TUNAR: variants seen among roughly 807,000 people sequenced by gnomAD.
TUNAR encodes protein TUNAR.
rs1889240321 is a variant in TUNAR, at chr14:95,895,025, A to C, written c.12+17848A>C. Among the ~76,000 whole-genome samples the C allele has an allele frequency of 6.6e-6, 1 of 152,222 alleles. No homozygotes were observed. Among genetic ancestry groups the C allele is most frequent in the South Asian group, 2.1e-4 (1 of 4,828 alleles). On this transcript the variant is annotated intron_variant, in intron 2 of 2. Coordinates refer to ENST00000678517, the Ensembl canonical transcript of TUNAR. The surrounding 1 kb of genome is among the most constrained non-coding windows in gnomAD (Gnocchi z 4.5). ...CGATAGGTTGGAGCTGAGGGCACAG[A>C]AATGGCCAAGGCAGGGAGTCAAGCC...
chr14:95,888,816 C>T (rs1889120791), intron 2 of TUNAR, among the ~76,000 whole-genome samples: 1 of 151,598 alleles, frequency 6.6e-6, no homozygotes, highest in African/African-American at 2.4e-5. Context: ...ATGGGGGGGG[C>T]AGTTAGACTC....
At chr14:95,902,595 C>T (rs773737551) in intron 2 of TUNAR, among the ~76,000 whole-genome samples, 8 of 152,202 alleles carry the variant, frequency 5.3e-5, no homozygotes, top group Non-Finnish European at 8.8e-5. Context: ...GGGAGCTGTT[C>T]TGTGCCCTTA....
intron 2 of TUNAR, among the ~76,000 whole-genome samples, chr14:95,914,727 G>T (rs1234949910): frequency 3.3e-5 from 5 of 152,124 alleles, no homozygotes; most frequent in East Asian, 3.9e-4. Flanking sequence ...CATCAAGCTA[G>T]GAGACTTAGA....
chr14:95,919,544 C>T (rs1889657965), intron 2 of TUNAR, among the ~76,000 whole-genome samples: 1 of 151,402 alleles, frequency 6.6e-6, no homozygotes, highest in Non-Finnish European at 1.5e-5. Context: ...CCAGTCTCTA[C>T]AAAAAGAAAT....
intron 2 of TUNAR, among the ~76,000 whole-genome samples, chr14:95,884,678 G>T (rs1392588531): frequency 2.6e-5 from 4 of 152,110 alleles, no homozygotes; most frequent in African/African-American, 9.7e-5. Flanking sequence ...CAACCCTCTT[G>T]GGCTGGACTA....
At chr14:95,884,009 C>T (rs1450278750) in intron 2 of TUNAR, among the ~76,000 whole-genome samples, 1 of 152,084 alleles carries the variant, frequency 6.6e-6, no homozygotes, top group African/African-American at 2.4e-5. Flanking sequence ...ATGCCCCTCC[C>T]TGCTCTAAAG....
chr14:95,882,073 G>A lies in TUNAR; in HGVS notation c.12+4896G>A, dbSNP rs530793215. ...TGATGAGAAAAATTAGACAGAATGAGTTAGAAAGCTTGACTATGCTTCATC... is the reference window on the plus strand; with the variant it reads ...TGATGAGAAAAATTAGACAGAATGAATTAGAAAGCTTGACTATGCTTCATC... On this transcript the variant is annotated intron_variant, in intron 2 of 2. Transcript: ENST00000678517. 7.9e-5 allele frequency among the ~76,000 whole-genome samples: 12 copies of A among 152,326 alleles called. No homozygotes were observed. The South Asian group carries it at 2.5e-3, about 32-fold the overall frequency.
chr14:95,878,967 T>G (rs74085712), intron 2 of TUNAR, among the ~76,000 whole-genome samples: 5,983 of 152,254 alleles, frequency 0.039, 274 homozygotes, highest in African/African-American at 0.11. Flanking sequence ...GCACAAACAA[T>G]TACTGCAAAT....
At chr14:95,891,911 C>G (rs1290464695) in intron 2 of TUNAR, among the ~76,000 whole-genome samples, 1 of 152,206 alleles carries the variant, frequency 6.6e-6, no homozygotes, top group Non-Finnish European at 1.5e-5. Context: ...TGTAGCTGCA[C>G]CACTCCAGCC....
At chr14:95,879,042 G>A (rs951041041) in intron 2 of TUNAR, among the ~76,000 whole-genome samples, 4 of 152,066 alleles carry the variant, frequency 2.6e-5, no homozygotes, top group East Asian at 1.9e-4. Flanking sequence ...TTAGCGATGC[G>A]TGGAGCCGGC....
In TUNAR at chr14:95,912,726, G is replaced by A. The variant is rs1023600017; in HGVS notation, c.13-10055G>A. Among the ~76,000 whole-genome samples, 4 of 152,208 alleles carry A rather than the reference G, an allele frequency of 2.6e-5. No individual in the cohort carries two copies. In the East Asian group the frequency reaches 7.7e-4, roughly 29 times the overall value. On this transcript the variant is annotated intron_variant, in intron 2 of 2. Coordinates refer to ENST00000678517, the Ensembl canonical transcript of TUNAR. ...AGAAAAAAATTATTTGCAGTCATAAGTAGAACTGAATTTTAATATCCTGTG... is the reference window on the plus strand; with the variant it reads ...AGAAAAAAATTATTTGCAGTCATAAATAGAACTGAATTTTAATATCCTGTG...
chr14:95,907,168 A>G (rs1889439409), intron 2 of TUNAR, among the ~76,000 whole-genome samples: 1 of 152,138 alleles, frequency 6.6e-6, no homozygotes. Flanking sequence ...CTCTGTGTGG[A>G]CATGCCATGG....
At chr14:95,917,112 T>C (rs921838431) in intron 2 of TUNAR, among the ~76,000 whole-genome samples, 3 of 152,246 alleles carry the variant, frequency 2.0e-5, no homozygotes, top group African/African-American at 7.2e-5. Flanking sequence ...GTTTGAGCTT[T>C]TATGTCTTGT....
chr14:95,915,032 G>T (rs929459745), intron 2 of TUNAR, among the ~76,000 whole-genome samples: 2 of 152,180 alleles, frequency 1.3e-5, no homozygotes, highest in African/African-American at 4.8e-5. Context: ...AAAGCAAAGG[G>T]CTTTCCTGAC....
chr14:95,880,955 C>T lies in TUNAR; in HGVS notation c.12+3778C>T, dbSNP rs188695687. 1.6e-4 allele frequency among the ~76,000 whole-genome samples: 25 copies of T among 152,330 alleles called. No individual in the cohort carries two copies. The East Asian group carries it at 4.1e-3, about 25-fold the overall frequency. The stretch of plus-strand genomic sequence containing the variant: ...ACCCAGGCTCAGAGAGCTGAAGTGT[C>T]TTTCTTAGTCTCTAATAATTATCGA... On this transcript the variant is annotated intron_variant, in intron 2 of 2. Transcript: ENST00000678517.
intron 2 of TUNAR, among the ~76,000 whole-genome samples, chr14:95,894,135 G>A (rs1273871486): frequency 6.6e-6 from 1 of 152,268 alleles, no homozygotes; most frequent in African/African-American, 2.4e-5. Flanking sequence ...GTTAGCGTCT[G>A]GCTTCGAGCA....
rs1046008670 is a variant in TUNAR at position 95,895,552 on chromosome 14, C to T, written c.12+18375C>T. Reference sequence around the variant, plus strand: ...AGCATCTGTTTTACAAGGGAGTTCCCGACGCATCCTCCAGGATCATGGTTC... The same window carrying T: ...AGCATCTGTTTTACAAGGGAGTTCCTGACGCATCCTCCAGGATCATGGTTC... On this transcript the variant is annotated intron_variant, in intron 2 of 2. Transcript: ENST00000678517. The surrounding 1 kb of genome is among the most constrained non-coding windows in gnomAD (Gnocchi z 4.5). Among the ~76,000 whole-genome samples the T allele has an allele frequency of 2.6e-5, 4 of 152,040 alleles. No individual in the cohort carries two copies. Among genetic ancestry groups the T allele is most frequent in the East Asian group, 1.9e-4 (1 of 5,196 alleles).
chr14:95,900,509 C>T (rs545639726), intron 2 of TUNAR, among the ~76,000 whole-genome samples: 36 of 152,268 alleles, frequency 2.4e-4, no homozygotes, highest in Non-Finnish European at 3.1e-4. Flanking sequence ...GGCTGCTGGC[C>T]CCAGTTGGTG....
intron 2 of TUNAR, among the ~76,000 whole-genome samples, chr14:95,900,357 AACTGAGGCAG>A (rs1193570607): frequency 6.6e-6 from 1 of 152,018 alleles, no homozygotes; most frequent in African/African-American, 2.4e-5. Flanking sequence ...TGCTCGGGGG[AACTGAGGCAG>A]ACTGGAGCAG....
Sources: allele counts gnomAD v4.1 joint callset (sites outside exome capture counted in the v4.1 genomes callset), GRCh38; gene constraint gnomAD v4.1.1; non-coding constraint Gnocchi (gnomAD v3.1); transcripts MANE v1.5; gene names NCBI Gene and HGNC (gene_info 2026-07-23, HGNC 2026-07-21).